TBC1D9: variants seen among roughly 807,000 people sequenced by gnomAD.
TBC1D9 encodes the protein TBC1 domain family member 9A.
In TBC1D9, 63 loss-of-function variants were observed where a neutral mutation model predicts 132.0. The ratio of observed to expected loss-of-function variants is 0.48; its 90% CI spans 0.39 to 0.59. The LOEUF (loss-of-function observed/expected upper bound fraction) is 0.59, where lower values mean the gene tolerates loss of function less well. TBC1D9 is among the 20% of genes least tolerant of loss of function. TBC1D9 has a pLI of 0.00. For synonymous variants in TBC1D9, 610 were observed against 609.9 expected (o/e 1.00, Z 0.00); for missense variants, 1,261 against 1,592.7 (o/e 0.79, Z 3.54).
chr4:140,718,474 C>G (rs1738373792), intron 1 of TBC1D9, among the ~76,000 whole-genome samples: 1 of 152,060 alleles, frequency 6.6e-6, no homozygotes. Context: ...ATAATTACCC[C>G]ACATAAACCC....
chr4:140,725,938 G>A (rs1333233422), intron 1 of TBC1D9, among the ~76,000 whole-genome samples: 1 of 152,148 alleles, frequency 6.6e-6, no homozygotes, highest in East Asian at 1.9e-4. Flanking sequence ...AATATCTTTG[G>A]ATCTTTGAAC....
At chr4:140,655,089 G>A (rs1737244855) in intron 13 of TBC1D9, among the ~76,000 whole-genome samples, 2 of 152,140 alleles carry the variant, frequency 1.3e-5, no homozygotes, top group South Asian at 4.1e-4. Context: ...AAATGACAGA[G>A]CAAGTATTTA....
intron 3 of TBC1D9, among the ~76,000 whole-genome samples, chr4:140,685,193 G>C (rs1309971356): frequency 6.6e-6 from 1 of 152,182 alleles, no homozygotes; most frequent in Admixed American, 6.5e-5. Flanking sequence ...TTGACAAGGA[G>C]TGATACATTT....
intron 16 of TBC1D9, 64 bp downstream of exon 16, chr4:140,633,884 T>C: frequency 1.9e-6 from 3 of 1,583,762 alleles, no homozygotes; most frequent in Non-Finnish European, 2.6e-6. Context: ...GAGGGCAGCA[T>C]GGGCAACACT....
At chr4:140,737,059 C>A (rs963199765) in intron 1 of TBC1D9, among the ~76,000 whole-genome samples, 2 of 152,154 alleles carry the variant, frequency 1.3e-5, no homozygotes, top group Non-Finnish European at 2.9e-5. Flanking sequence ...CACCTCTGAT[C>A]ATCAGGAATT....
At chr4:140,677,585 G>A (rs1316330734) in intron 5 of TBC1D9, among the ~76,000 whole-genome samples, 2 of 152,160 alleles carry the variant, frequency 1.3e-5, no homozygotes, top group African/African-American at 4.8e-5. Context: ...GGGCAACTAT[G>A]GCTTCTGACC....
chr4:140,631,074 T>C (rs1736787214), intron 16 of TBC1D9, among the ~76,000 whole-genome samples: 1 of 152,254 alleles, frequency 6.6e-6, no homozygotes, highest in African/African-American at 2.4e-5. Context: ...CCAATTTCCA[T>C]ATACTTTCAC....
intron 11 of TBC1D9, 178 bp downstream of exon 11, chr4:140,659,410 G>C: frequency 2.0e-6 from 1 of 488,118 alleles, no homozygotes; most frequent in Non-Finnish European, 3.6e-6. Flanking sequence ...AACTCCACGG[G>C]GCTCCTTTGT....
At chr4:140,732,619 C>T (rs549956971) in intron 1 of TBC1D9, among the ~76,000 whole-genome samples, 4 of 152,132 alleles carry the variant, frequency 2.6e-5, no homozygotes, top group African/African-American at 7.2e-5. Context: ...TGGTGTTGGT[C>T]GGGTAACATC....
At chr4:140,677,152 T>C (rs1473215577) in intron 5 of TBC1D9, 51 bp from the exon 6 acceptor site, 1 of 1,598,224 alleles carries the variant, frequency 6.3e-7, no homozygotes, top group East Asian at 2.2e-5. Context: ...CCATACCTTC[T>C]AAATTATGCA....
At position 140,620,979 on chromosome 4, in the gene TBC1D9, A is replaced by G. The variant is rs1371053863; in HGVS notation, c.*1216T>C. On this transcript the variant is annotated 3_prime_UTR_variant, in exon 21 of 21. Transcript: ENST00000442267. ...CCAAAGAAGCAAAGGAAATGAGACC[A>G]TGATTATGAATTCAACAATCAGAAG... 6.5e-6 allele frequency: 1 copy of G among 152,682 alleles called. No individual in the cohort carries two copies. Among genetic ancestry groups the G allele is most frequent in the East Asian group, 1.9e-4 (1 of 5,200 alleles). 9.5% of individuals were successfully genotyped at this position (152,682 alleles called of 1,614,324 possible).
intron 13 of TBC1D9, chr4:140,644,961 C>T: frequency 2.2e-6 from 1 of 464,168 alleles, no homozygotes; most frequent in Non-Finnish European, 4.3e-6. Flanking sequence ...AGGTCCCAAG[C>T]CCCAGGGGTG....
chr4:140,685,283 T>C (rs1374603733), intron 3 of TBC1D9, among the ~76,000 whole-genome samples: 3 of 152,160 alleles, frequency 2.0e-5, no homozygotes, highest in East Asian at 3.8e-4. Context: ...AATGGAGAAA[T>C]TGGATATAAC....
At chr4:140,665,855 A>AT (rs1220586402) in intron 9 of TBC1D9, among the ~76,000 whole-genome samples, 4 of 151,188 alleles carry the variant, frequency 2.6e-5, no homozygotes, top group Admixed American at 1.3e-4. Context: ...TAAAAAAAAA[A>AT]TTTTTTTTTG....
chr4:140,724,640 GA>G (rs568871378), intron 1 of TBC1D9, among the ~76,000 whole-genome samples: 1,419 of 128,864 alleles, frequency 0.011, 11 homozygotes, highest in East Asian at 0.043. Flanking sequence ...AGAGAAATTG[GA>G]AAAAAAAAAA....
intron 13 of TBC1D9, among the ~76,000 whole-genome samples, chr4:140,646,847 G>A (rs150530496): frequency 0.013 from 2,041 of 152,320 alleles, 33 homozygotes; most frequent in South Asian, 0.048. Context: ...TCCAAAGGTG[G>A]AATCAGATTC....
At chr4:140,709,847 G>A (rs1034504586) in intron 1 of TBC1D9, among the ~76,000 whole-genome samples, 36 of 152,116 alleles carry the variant, frequency 2.4e-4, no homozygotes, top group Admixed American at 1.2e-3. Flanking sequence ...TAGGGTTCTC[G>A]TGCCTGTAAG....
At chr4:140,624,060 C>T (rs1266743431) in intron 20 of TBC1D9, 56 bp downstream of exon 20, 21 of 1,395,756 alleles carry the variant, frequency 1.5e-5, no homozygotes, top group Non-Finnish European at 2.0e-5. Context: ...ACTTTTCAGT[C>T]ATAGAAAAAA....
chr4:140,647,793 T>C (rs1737124488), intron 13 of TBC1D9, among the ~76,000 whole-genome samples: 1 of 152,198 alleles, frequency 6.6e-6, no homozygotes, highest in African/African-American at 2.4e-5. Flanking sequence ...CCCTTCCCTC[T>C]GGAGCAAATG....
Sources: gnomAD v4.1 joint callset for allele counts (sites outside exome capture counted in the v4.1 genomes callset) on GRCh38, gnomAD v4.1.1 for gene constraint, MANE v1.5 for transcripts, NCBI Gene and HGNC (gene_info 2026-07-23, HGNC 2026-07-21) for gene names.